The following UBR1 variants were observed in gnomAD, a reference collection of about 807,000 sequenced individuals.
UBR1 encodes the protein E3 ubiquitin-protein ligase UBR1.
UBR1 carries 102 observed loss-of-function variants against 242.1 expected under a neutral mutation model. The ratio of observed to expected loss-of-function variants is 0.42; its 90% confidence interval spans 0.36 to 0.50. The LOEUF is 0.50. Among genes scored for constraint, UBR1 ranks in the 20% least tolerant of loss-of-function variants. The pLI is 0.01. For synonymous variants in UBR1, 675 were observed against 684.8 expected (o/e 0.99, Z 0.22); for missense variants, 1,772 against 2,101.8 (o/e 0.84, Z 3.07).
Position 43,084,202 on chromosome 15 carries a change from T to G in UBR1, c.339-1486A>C, listed in dbSNP as rs566367205. 6.6e-5 allele frequency among the ~76,000 whole-genome samples: 10 copies of G among 152,294 alleles called. No individual in the cohort carries two copies. In the East Asian group the frequency reaches 1.7e-3, roughly 26 times the overall value. On this transcript the variant is annotated intron_variant, in intron 2 of 46. Transcript: ENST00000290650. ...CTGACATTTTGGGCCAGATATCATT[T>G]GTCGGGGGTGAACCAGACTGTCCTG...
At chr15:43,076,840 C>CA in intron 3 of UBR1, among the ~76,000 whole-genome samples, 1 of 107,550 alleles carries the variant, frequency 9.3e-6, no homozygotes, top group Non-Finnish European at 2.1e-5. Context: ...TCTGCCCGGC[C>CA]GCCCCTACTG....
chr15:43,084,013 C>T (rs1190212049), intron 2 of UBR1, among the ~76,000 whole-genome samples: 2 of 152,086 alleles, frequency 1.3e-5, no homozygotes, highest in Non-Finnish European at 2.9e-5. Context: ...CCACTGTACT[C>T]TAGCCTAGGC....
intron 12 of UBR1, among the ~76,000 whole-genome samples, chr15:43,054,034 C>T (rs1416104742): frequency 1.3e-5 from 2 of 152,072 alleles, no homozygotes; most frequent in African/African-American, 4.8e-5. Context: ...GGAGGATCAA[C>T]TGTATAGCAA....
chr15:43,086,844 G>A (rs2034041825), intron 1 of UBR1, among the ~76,000 whole-genome samples: 1 of 152,052 alleles, frequency 6.6e-6, no homozygotes, highest in Admixed American at 6.6e-5. Context: ...ATAAAAAACT[G>A]GCAATATCAA....
In UBR1 at chr15:43,026,617, A is replaced by G; in HGVS notation, c.2479T>C (p.Ser827Pro). ...AAGTACATATTGAAGTCTTTCAGTG[A>G]TTCATCTTTTAGTTCATAAACTCCA... Reference protein sequence around the residue: ...GHGVYELKDESLKDFNMYFYH... With the variant: ...GHGVYELKDEPLKDFNMYFYH... The change falls in exon 23 of 47, where the codon TCA becomes CCA. Residue 827 changes from serine to proline, a missense_variant. Ser to Pro is a moderately conservative substitution (Grantham distance 74). Coordinates refer to ENST00000290650, the MANE Select transcript of UBR1 (RefSeq NM_174916.3). 1 of 1,613,346 alleles carries G rather than the reference A, an allele frequency of 6.2e-7. No homozygotes were observed. The highest frequency in any genetic ancestry group is 8.5e-7 in the Non-Finnish European group (1 of 1,179,740).
At chr15:43,097,241 T>C (rs960468922) in intron 1 of UBR1, among the ~76,000 whole-genome samples, 2 of 152,196 alleles carry the variant, frequency 1.3e-5, no homozygotes, top group Non-Finnish European at 2.9e-5. Flanking sequence ...TCTTTTTTTT[T>C]TCTCAGCAGT....
At chr15:43,068,065 ATAC>A in intron 5 of UBR1, 29 bp from the exon 6 acceptor site, 2 of 1,348,866 alleles carry the variant, frequency 1.5e-6, no homozygotes, top group Non-Finnish European at 2.1e-6. Context: ...ATATATTTGG[ATAC>A]TACAACAAAT....
chr15:43,040,641 G>A (rs376666504), intron 15 of UBR1, among the ~76,000 whole-genome samples: 219 of 152,224 alleles, frequency 1.4e-3, no homozygotes, highest in African/African-American at 2.9e-3. Flanking sequence ...AGAAACTACC[G>A]TCAGAGTGAA....
chr15:43,033,922 G>A (rs2033292130), intron 19 of UBR1, among the ~76,000 whole-genome samples: 1 of 151,966 alleles, frequency 6.6e-6, no homozygotes, highest in Admixed American at 6.6e-5. Flanking sequence ...TGGTCAACAT[G>A]GTGAAACCTC....
In UBR1 at chr15:43,045,700, C is replaced by G. The variant is rs887511209; in HGVS notation, c.1668+1461G>C. Among the ~76,000 whole-genome samples the G allele has an allele frequency of 6.6e-4, 100 of 152,124 alleles. 6 individuals carry two copies. Among genetic ancestry groups the G allele is most frequent in the Non-Finnish European group, 1.5e-5 (1 of 68,036 alleles). On this transcript the variant is annotated intron_variant, in intron 14 of 46. Transcript: ENST00000290650. The stretch of plus-strand genomic sequence containing the variant: ...CCATGTAAATGGGACAAGCTAATTG[C>G]CCTAAGACGGCAAAGAAAATAATCA...
intron 21 of UBR1, among the ~76,000 whole-genome samples, chr15:43,029,125 GCA>G (rs144923922): frequency 1.3e-5 from 2 of 150,946 alleles, no homozygotes; most frequent in Non-Finnish European, 3.0e-5. Context: ...ACACACACAC[GCA>G]CACACACACA....
rs1261610360 is a variant in UBR1, at chr15:43,037,785, A to G, written c.2010T>C (p.Ser670=). The G allele has an allele frequency of 6.2e-7, 1 of 1,613,970 alleles. No individual in the cohort carries two copies. The highest frequency in any genetic ancestry group is 1.3e-5 in the African/African-American group (1 of 74,926). ...GACTTTGCTGTACCTGGCTAATAAG[A>G]GACAGTCCATTTCTTCGCCACATCT... is the stretch of plus-strand genomic sequence containing the variant. ...VAEMWRRNGL[S]LISQVFYYQD... The change falls in exon 17 of 47, where the codon TCT becomes TCC. Residue 670 remains serine (S), a synonymous_variant. Transcript: ENST00000290650.
At chr15:43,002,050 ATT>A (rs1192537081) in intron 32 of UBR1, among the ~76,000 whole-genome samples, 1 of 152,216 alleles carries the variant, frequency 6.6e-6, no homozygotes, top group African/African-American at 2.4e-5. Context: ...CAATGTAAAG[ATT>A]TGAGTAAATA....
At chr15:43,034,925 C>T (rs1175276176) in intron 19 of UBR1, among the ~76,000 whole-genome samples, 1 of 147,140 alleles carries the variant, frequency 6.8e-6, no homozygotes, top group African/African-American at 2.5e-5. Context: ...GAAAGAAAAA[C>T]ACGTTGTTTT....
At position 42,983,994 on chromosome 15, in the gene UBR1, C is replaced by A; in HGVS notation, c.4054-1G>T. The A allele has an allele frequency of 6.2e-7, 1 of 1,610,756 alleles. No individual in the cohort carries two copies. Among genetic ancestry groups the A allele is most frequent in the Non-Finnish European group, 8.5e-7 (1 of 1,177,548 alleles). On this transcript the variant is annotated splice_acceptor_variant, in intron 36 of 46. Transcript: ENST00000290650. LOFTEE classifies it high-confidence loss of function. ...GCATTAATGCTTTCAGACCATTATG[C>A]TAGATTGTAAGAGAGAAGGAAGATA...
intron 6 of UBR1, among the ~76,000 whole-genome samples, chr15:43,067,128 T>C (rs576504936): frequency 1.3e-5 from 2 of 152,360 alleles, no homozygotes; most frequent in South Asian, 4.1e-4. Context: ...CTTATGGTTA[T>C]AGGGCTTAAA....
chr15:42,965,025 T>C lies in UBR1; in HGVS notation c.4592-982A>G, dbSNP rs1010149341. ...GGATTCCTCCCAATAAAAAGGACTT[T>C]ATTTCACTCACAACTGTACTGTAGC... On this transcript the variant is annotated intron_variant, in intron 41 of 46. Coordinates refer to ENST00000290650, the MANE Select transcript of UBR1 (RefSeq NM_174916.3). Among the ~76,000 whole-genome samples, 5 of 152,214 alleles carry C rather than the reference T, an allele frequency of 3.3e-5. No individual in the cohort carries two copies. The South Asian group carries it at 1.0e-3, about 31-fold the overall frequency.
chr15:43,001,967 T>G (rs1596094118), intron 32 of UBR1, among the ~76,000 whole-genome samples: 2 of 152,186 alleles, frequency 1.3e-5, no homozygotes, highest in South Asian at 4.1e-4. Context: ...TTTTTGCATC[T>G]TTTCTCCTTT....
At chr15:43,013,527 T>G (rs564617583) in intron 29 of UBR1, among the ~76,000 whole-genome samples, 13 of 152,226 alleles carry the variant, frequency 8.5e-5, no homozygotes, top group Non-Finnish European at 1.9e-4. Context: ...GCAAAGAATT[T>G]GTTTCCAATA....
Sources: allele counts gnomAD v4.1 joint callset (sites outside exome capture counted in the v4.1 genomes callset), GRCh38; gene constraint gnomAD v4.1.1; transcripts MANE v1.5; gene names NCBI Gene and HGNC (gene_info 2026-07-23, HGNC 2026-07-21).